Variants in TXNDC9 observed in about 807,000 individuals in gnomAD.
TXNDC9 encodes the protein thioredoxin domain-containing protein 9.
In TXNDC9, 7 loss-of-function variants were observed where a neutral mutation model predicts 23.0. The ratio of observed to expected loss-of-function variants is 0.30; its 90% CI spans 0.17 to 0.57. TXNDC9 has a LOEUF of 0.57. Among genes scored for constraint, TXNDC9 ranks in the 20% least tolerant of loss-of-function variants. The pLI is 0.90. For synonymous variants in TXNDC9, 72 were observed against 90.6 expected (o/e 0.79, Z 1.17); for missense variants, 198 against 252.6 (o/e 0.78, Z 1.47).
chr2:99,316,754 ATTTT>A (rs1392223660), downstream of TXNDC9, among the ~76,000 whole-genome samples: 3 of 150,636 alleles, frequency 2.0e-5, no homozygotes, highest in South Asian at 2.1e-4. Context: ...CCTTTTATTT[ATTTT>A]ATTTTATATA....
At chr2:99,336,150 C>A in intron 1 of TXNDC9, 89 bp downstream of exon 1, 1 of 972,902 alleles carries the variant, frequency 1.0e-6, no homozygotes, top group Non-Finnish European at 1.2e-6. Context: ...TGGGGCCGCG[C>A]CCCTCCTCCG....
At chr2:99,316,005 G>T (rs971269481), downstream of TXNDC9, among the ~76,000 whole-genome samples, 1 of 151,492 alleles carries the variant, frequency 6.6e-6, no homozygotes, top group Non-Finnish European at 1.5e-5. Flanking sequence ...GGAGGTTTTT[G>T]TTTTTTTGAA....
intron 3 of TXNDC9, among the ~76,000 whole-genome samples, chr2:99,326,419 T>C (rs1393066151): frequency 6.6e-6 from 1 of 152,228 alleles, no homozygotes; most frequent in Non-Finnish European, 1.5e-5. Flanking sequence ...GCACAGTGCT[T>C]GTCTGTCCTG....
Position 99,319,864 on chromosome 2 carries a change from AATCT to A in TXNDC9, c.564-69_564-66del, listed in dbSNP as rs925117061. The A allele has an allele frequency of 5.1e-6, 5 of 983,480 alleles. No individual in the cohort carries two copies. In the African/African-American group the frequency reaches 6.7e-5, roughly 13 times the overall value. The allele number at this position is 983,480 out of a possible 1,614,324, so 60.9% of individuals were successfully genotyped here. ...GTACTAGTATACTAAACTGCACAAA[AATCT>A]ATCTTTGTTTTCTTCCTGTAACATA... is the stretch of plus-strand genomic sequence containing the variant. On this transcript the variant is annotated intron_variant, in intron 4 of 4. Coordinates refer to ENST00000264255, the MANE Select transcript of TXNDC9 (RefSeq NM_005783.4).
chr2:99,311,529 C>T, the TXNDC9 span, among the ~76,000 whole-genome samples: 1 of 152,350 alleles, frequency 6.6e-6, no homozygotes, highest in Admixed American at 6.5e-5. Flanking sequence ...AACTCCTGGG[C>T]TGAAGTGATC....
the TXNDC9 span, among the ~76,000 whole-genome samples, chr2:99,308,329 A>T: frequency 6.6e-6 from 1 of 152,168 alleles, no homozygotes; most frequent in Non-Finnish European, 1.5e-5. Flanking sequence ...TTCAGTGAAT[A>T]GGTATTTTCA....
chr2:99,332,306 G>A (rs2094227908), intron 2 of TXNDC9, among the ~76,000 whole-genome samples: 1 of 152,150 alleles, frequency 6.6e-6, no homozygotes, highest in South Asian at 2.1e-4. Flanking sequence ...AGCCAGGCAT[G>A]GTGGTGTGCG....
chr2:99,309,844 C>A, the TXNDC9 span, among the ~76,000 whole-genome samples: 1 of 152,014 alleles, frequency 6.6e-6, no homozygotes. Flanking sequence ...TACCACCACG[C>A]CCAGCTAATT....
intron 3 of TXNDC9, chr2:99,322,799 T>C: frequency 1.7e-6 from 2 of 1,152,916 alleles, no homozygotes; most frequent in East Asian, 3.3e-5. Flanking sequence ...TATTGCCCTG[T>C]CCCCCAGGCT....
At chr2:99,324,352 T>C (rs7571202) in intron 3 of TXNDC9, among the ~76,000 whole-genome samples, 57,949 of 152,124 alleles carry the variant, frequency 0.38, 11,854 homozygotes, top group East Asian at 0.63. Flanking sequence ...TAACATAAGT[T>C]ATGTGTAACC....
intron 1 of TXNDC9, among the ~76,000 whole-genome samples, chr2:99,333,888 C>T (rs1242863973): frequency 1.3e-5 from 2 of 152,156 alleles, no homozygotes; most frequent in African/African-American, 4.8e-5. Flanking sequence ...ATACTGGTTT[C>T]CATTTACTGA....
intron 2 of TXNDC9, among the ~76,000 whole-genome samples, chr2:99,328,785 C>T (rs62153855): frequency 0.44 from 65,853 of 150,112 alleles, 14,661 homozygotes; most frequent in Admixed American, 0.57. Flanking sequence ...AGACTAGCCT[C>T]GCCAACATGG....
chr2:99,316,161 GAAAAAACAAAAACAAAAAC>G, downstream of TXNDC9, among the ~76,000 whole-genome samples: 1 of 142,820 alleles, frequency 7.0e-6, no homozygotes, highest in East Asian at 2.0e-4. Flanking sequence ...ACTGAAAAAT[GAAAAAACAAAAACAAAAAC>G]AAAAAACAAA....
intron 2 of TXNDC9, among the ~76,000 whole-genome samples, chr2:99,329,079 C>CT (rs1362022090): frequency 6.6e-6 from 1 of 152,220 alleles, no homozygotes; most frequent in Non-Finnish European, 1.5e-5. Flanking sequence ...AGAGCCCTGT[C>CT]TGCTTTTGAT....
intron 1 of TXNDC9, among the ~76,000 whole-genome samples, chr2:99,333,632 A>T (rs1255525436): frequency 6.6e-6 from 1 of 152,228 alleles, no homozygotes; most frequent in Non-Finnish European, 1.5e-5. Flanking sequence ...AACTGCGAAC[A>T]ATAGGAAGGT....
the TXNDC9 span, among the ~76,000 whole-genome samples, chr2:99,307,925 G>A: frequency 6.6e-6 from 1 of 152,080 alleles, no homozygotes; most frequent in East Asian, 1.9e-4. Context: ...TTAACCCATA[G>A]ACCATGAGTA....
chr2:99,322,665 A>G (rs1207057854), intron 3 of TXNDC9: 1 of 1,537,470 alleles, frequency 6.5e-7, no homozygotes, highest in Non-Finnish European at 8.8e-7. Context: ...CAACGCTGTC[A>G]GTAAGAAGCA....
At chr2:99,311,758 T>G in the TXNDC9 span, among the ~76,000 whole-genome samples, 1 of 152,254 alleles carries the variant, frequency 6.6e-6, no homozygotes, top group Non-Finnish European at 1.5e-5. Context: ...TGAGCCAGCA[T>G]GCCCAGCCTG....
chr2:99,318,138 G>A (rs1413195046), downstream of TXNDC9, among the ~76,000 whole-genome samples: 2 of 152,134 alleles, frequency 1.3e-5, no homozygotes, highest in African/African-American at 2.4e-5. Flanking sequence ...TGATCTGCCC[G>A]CCTTGGCCTC....
Sources: gnomAD v4.1 joint callset for allele counts (sites outside exome capture counted in the v4.1 genomes callset) on GRCh38, gnomAD v4.1.1 for gene constraint, MANE v1.5 for transcripts, NCBI Gene and HGNC (gene_info 2026-07-23, HGNC 2026-07-21) for gene names.